DIS3L: variants seen among roughly 807,000 people sequenced by gnomAD.
DIS3L encodes the protein DIS3-like exonuclease 1.
DIS3L carries 100 observed loss-of-function variants against 120.3 expected under a neutral mutation model. The observed-to-expected ratio is 0.83, with a 90% CI of 0.71 to 0.98. The LOEUF is 0.98. Ranked by LOEUF, DIS3L falls within the 50% of genes least tolerant of loss-of-function variation. The probability of loss-of-function intolerance (pLI) is 0.00; values close to 1 mark genes in which losing one functional copy is unlikely to be tolerated. For synonymous variants in DIS3L, 426 were observed against 470.6 expected, an observed-to-expected ratio of 0.91 and a Z score of 1.23; for missense variants, 1,196 against 1,314.2, an observed-to-expected ratio of 0.91 and a Z score of 1.39.
chr15:66,322,766 G>C lies in DIS3L; in HGVS notation c.1406G>C (p.Arg469Thr), dbSNP rs934752743. 2.5e-6 allele frequency: 4 copies of C among 1,614,008 alleles called. No individual in the cohort carries two copies. The African/African-American group carries it at 5.3e-5, about 22-fold the overall frequency. The stretch of plus-strand genomic sequence containing the variant: ...GAGGAACAAAAACGTAAAGACTTGA[G>C]GAAAAGCCATCTCGTATTCAGCATT... The part of the protein sequence containing the change: ...PEEEQKRKDL[R>T]KSHLVFSIDP... Residue 469 changes from arginine (R) to threonine (T), a missense_variant, in exon 10 of 17, where the codon AGG (arginine) becomes ACG (threonine). By Grantham distance (71) the Arg-to-Thr change is moderately conservative. Coordinates refer to ENST00000319212, the MANE Select transcript of DIS3L (RefSeq NM_001143688.3).
chr15:66,313,635 C>G (rs1312870694), intron 5 of DIS3L, among the ~76,000 whole-genome samples: 1 of 151,890 alleles, frequency 6.6e-6, no homozygotes, highest in East Asian at 1.9e-4. Context: ...GAGGCTGAGG[C>G]AGGAGAATTG....
intron 9 of DIS3L, among the ~76,000 whole-genome samples, chr15:66,321,313 AT>A (rs1429572094): frequency 9.2e-5 from 14 of 152,178 alleles, no homozygotes; most frequent in African/African-American, 3.4e-4. Context: ...GCACACACTA[AT>A]TTCTGTTCTG....
At chr15:66,304,498 A>G (rs1177598569) in intron 2 of DIS3L, among the ~76,000 whole-genome samples, 4 of 152,082 alleles carry the variant, frequency 2.6e-5, no homozygotes, top group African/African-American at 9.7e-5. Flanking sequence ...CTGATATAAT[A>G]TGTTCTACGC....
chr15:66,295,467 A>C (rs1163261515), intron 2 of DIS3L, among the ~76,000 whole-genome samples: 1 of 152,156 alleles, frequency 6.6e-6, no homozygotes, highest in Non-Finnish European at 1.5e-5. Context: ...AATGTGTATT[A>C]TTTAATCTTA....
Position 66,308,800 on chromosome 15 carries a change from C to A in DIS3L, c.514C>A (p.Gln172Lys), listed in dbSNP as rs759902904. 13 of 1,613,122 alleles carry A rather than the reference C, an allele frequency of 8.1e-6. No homozygotes were observed. The highest frequency in any genetic ancestry group is 1.7e-6 in the Non-Finnish European group (2 of 1,179,638). Reference protein sequence around the residue: ...MVTEDEEAIQQYGSETEGVFV... With the variant: ...MVTEDEEAIQKYGSETEGVFV... ...GACAGAAGATGAAGAGGCAATTCAG[C>A]AGTATGGAAGTGAAACAGAAGGAGT... Residue 172 changes from glutamine (Q) to lysine (K), a missense_variant, in exon 4 of 17, where the codon CAG (glutamine) becomes AAG (lysine). Transcript: ENST00000319212.
At chr15:66,304,448 G>A (rs2092681983) in intron 2 of DIS3L, among the ~76,000 whole-genome samples, 1 of 152,120 alleles carries the variant, frequency 6.6e-6, no homozygotes, top group Non-Finnish European at 1.5e-5. Flanking sequence ...GTGAGACCCT[G>A]TCTCAAAAAT....
At chr15:66,323,398 G>A (rs2092905544) in intron 10 of DIS3L, 95 bp from the exon 11 acceptor site, 1 of 1,187,494 alleles carries the variant, frequency 8.4e-7, no homozygotes, top group Non-Finnish European at 1.2e-6. Context: ...AATCTGTAGT[G>A]AGATTTTGGC....
intron 5 of DIS3L, 122 bp downstream of exon 5, chr15:66,312,022 C>T (rs2092768100): frequency 1.8e-6 from 2 of 1,124,918 alleles, no homozygotes; most frequent in Admixed American, 2.7e-5. Context: ...GACTGGGCAA[C>T]ATAGTGAAAC....
intron 12 of DIS3L, among the ~76,000 whole-genome samples, chr15:66,328,526 CA>C (rs1480874664): frequency 6.6e-6 from 1 of 151,768 alleles, no homozygotes; most frequent in East Asian, 1.9e-4. Flanking sequence ...CCTGTCTCTA[CA>C]AAAAAATTAT....
chr15:66,328,824 TGAAAA>T (rs2092965281), intron 12 of DIS3L, 141 bp from the exon 13 acceptor site: 2 of 916,094 alleles, frequency 2.2e-6, no homozygotes, highest in Non-Finnish European at 3.3e-6. Flanking sequence ...TTTCTGTAGT[TGAAAA>T]GAGGTGCTTC....
In DIS3L at chr15:66,322,685, A is replaced by G. The variant is rs2092897109; in HGVS notation, c.1327-2A>G. 4 of 1,613,714 alleles carry G rather than the reference A, an allele frequency of 2.5e-6. No individual in the cohort carries two copies. The highest frequency in any genetic ancestry group is 3.4e-6 in the Non-Finnish European group (4 of 1,179,738). ...TTGCTGAATATTTGGTTTCTCATAC[A>G]GATGTGTGAGATGCCAGTAAACACA... On this transcript the variant is annotated splice_acceptor_variant, in intron 9 of 16. Transcript: ENST00000319212. LOFTEE classifies it high-confidence loss of function.
chr15:66,332,927 A>G lies in DIS3L; in HGVS notation c.2856+17A>G, dbSNP rs915455184. 2 of 1,585,582 alleles carry G rather than the reference A, an allele frequency of 1.3e-6. No individual in the cohort carries two copies. Among genetic ancestry groups the G allele is most frequent in the Non-Finnish European group, 1.7e-6 (2 of 1,168,464 alleles). ...CATGTAACCGTAAGTCTGTGTTTCT[A>G]TTAAGTATTATTAATATTTTAAATG... On this transcript the variant is annotated intron_variant, in intron 16 of 16. Coordinates refer to ENST00000319212, the MANE Select transcript of DIS3L (RefSeq NM_001143688.3).
chr15:66,316,136 TTGTC>T (rs1412389175), intron 7 of DIS3L, among the ~76,000 whole-genome samples: 1 of 152,166 alleles, frequency 6.6e-6, no homozygotes, highest in Non-Finnish European at 1.5e-5. Context: ...GTTTACTCAG[TTGTC>T]TATTTGGCAT....
chr15:66,299,183 A>G (rs1002297044), intron 2 of DIS3L, among the ~76,000 whole-genome samples: 1 of 152,202 alleles, frequency 6.6e-6, no homozygotes, highest in Admixed American at 6.5e-5. Flanking sequence ...GTGGGATGGA[A>G]GGCCTCATGG....
At position 66,293,624 on chromosome 15, in the gene DIS3L, C is replaced by T. The variant is rs1487920950; in HGVS notation, c.28C>T (p.Leu10=). 2.5e-5 allele frequency: 36 copies of T among 1,446,830 alleles called. No individual in the cohort carries two copies. Among genetic ancestry groups the T allele is most frequent in the Non-Finnish European group, 3.3e-5 (36 of 1,102,240 alleles). 89.6% of individuals were successfully genotyped at this position (1,446,830 alleles called of 1,614,324 possible). A position where few individuals can be genotyped will look rare whatever the true frequency, so the allele number is the denominator to read the frequency against. Residue 10 remains leucine (L), a synonymous_variant, in exon 1 of 17, where the codon CTG becomes TTG. Coordinates refer to ENST00000319212, the MANE Select transcript of DIS3L (RefSeq NM_001143688.3). ...GCTGCAGAAGCGGGAGAAGGTGCTG[C>T]TGCTGAGGACCTTCCAGGGCCGCAC... MLQKREKVL[L]LRTFQGRTLR... is the part of the protein sequence containing the mutation.
intron 4 of DIS3L, among the ~76,000 whole-genome samples, chr15:66,309,267 A>G (rs1202404658): frequency 6.7e-6 from 1 of 150,210 alleles, no homozygotes; most frequent in Non-Finnish European, 1.5e-5. Flanking sequence ...ATGAAGTTCT[A>G]CTTCTTCATT....
chr15:66,320,421 A>AC (rs2092869413), intron 8 of DIS3L, 150 bp from the exon 9 acceptor site: 1 of 734,720 alleles, frequency 1.4e-6, no homozygotes, highest in Non-Finnish European at 2.0e-6. Context: ...AGAATGAAAA[A>AC]CAAAAAAAAA....
intron 9 of DIS3L, among the ~76,000 whole-genome samples, chr15:66,321,609 C>CA (rs1198073461): frequency 2.6e-5 from 4 of 151,632 alleles, no homozygotes; most frequent in Non-Finnish European, 5.9e-5. Context: ...TAAAAACACA[C>CA]AAAAAAAGTA....
intron 7 of DIS3L, among the ~76,000 whole-genome samples, chr15:66,316,815 A>AAAAAAAG (rs927295935): frequency 2.6e-5 from 4 of 152,168 alleles, no homozygotes; most frequent in Non-Finnish European, 5.9e-5. Context: ...ACATTGTCTC[A>AAAAAAAG]AAAAAAGAAA....
Sources: allele counts gnomAD v4.1 joint callset (sites outside exome capture counted in the v4.1 genomes callset), GRCh38; gene constraint gnomAD v4.1.1; transcripts MANE v1.5; gene names NCBI Gene and HGNC (gene_info 2026-07-23, HGNC 2026-07-21).